Variants in MMADHC observed in about 807,000 individuals in gnomAD.
MMADHC encodes cobalamin trafficking protein CblD.
MMADHC carries 23 observed loss-of-function variants against 36.3 expected under a neutral mutation model. The ratio of observed to expected loss-of-function variants is 0.63; its 90% CI spans 0.46 to 0.90. The LOEUF is 0.90. MMADHC is among the 40% of genes least tolerant of loss of function. The probability of loss-of-function intolerance (pLI) is 0.00; values close to 1 mark genes in which losing one functional copy is unlikely to be tolerated. For missense variants in MMADHC, 330 were observed against 348.0 expected, an observed-to-expected ratio of 0.95 and a Z score of 0.41; for synonymous variants, 97 against 116.1, an observed-to-expected ratio of 0.84 and a Z score of 1.06.
chr2:149,580,910 T>C (rs1355781413), intron 3 of MMADHC, among the ~76,000 whole-genome samples: 1 of 152,190 alleles, frequency 6.6e-6, no homozygotes, highest in Non-Finnish European at 1.5e-5. Flanking sequence ...CAAGATTTTG[T>C]ATTTCTAACA....
chr2:149,586,996 C>T, intron 2 of MMADHC, 93 bp downstream of exon 2: 5 of 1,257,494 alleles, frequency 4.0e-6, no homozygotes, highest in Non-Finnish European at 5.8e-6. Flanking sequence ...TAACACTATA[C>T]CACCCAATGC....
chr2:149,587,441 C>A (rs1682890448), intron 1 of MMADHC: 1 of 397,218 alleles, frequency 2.5e-6, no homozygotes, highest in East Asian at 4.8e-5. Context: ...TCCAGAGGAT[C>A]GAAGCGGCTG....
In MMADHC at chr2:149,570,158, G is replaced by A. The variant is rs143753228; in HGVS notation, c.707C>T (p.Pro236Leu). 1.8e-4 allele frequency: 284 copies of A among 1,613,110 alleles called. No homozygotes were observed. In the African/African-American group the frequency reaches 3.1e-3, roughly 18 times the overall value. ...DPSSGLAFFG[P>L]YTNNTLFETD... ...TTCAAAAAGAGTGTTGTTTGTATAT[G>A]GTCCAAAAAACTGAGGAAATAAAAA... The change falls in exon 8 of 8, where the codon CCA becomes CTA. Residue 236 changes from proline (P) to leucine (L), a missense_variant. Physicochemically the swap from Pro to Leu is moderately conservative, Grantham distance 98. Transcript: ENST00000303319.
At chr2:149,587,613 C>T (rs1682894928) in intron 1 of MMADHC, 51 bp downstream of exon 1, 3 of 170,602 alleles carry the variant, frequency 1.8e-5, no homozygotes, top group Non-Finnish European at 1.3e-5. Context: ...GGGCTGTAAC[C>T]CTAACACGGG....
intron 1 of MMADHC, 32 bp downstream of exon 1, chr2:149,587,632 G>A (rs767266849): frequency 8.5e-5 from 14 of 165,072 alleles, no homozygotes; most frequent in Non-Finnish European, 1.7e-4. Flanking sequence ...GGCAAATTTG[G>A]AGGGGCTAAC....
At position 149,579,464 on chromosome 2, in the gene MMADHC, C is replaced by T; in HGVS notation, c.339G>A (p.Glu113=). 6.2e-7 allele frequency: 1 copy of T among 1,612,302 alleles called. No individual in the cohort carries two copies. Among genetic ancestry groups the T allele is most frequent in the Non-Finnish European group, 8.5e-7 (1 of 1,179,960 alleles). Residue 113 remains glutamate, a synonymous_variant, in exon 4 of 8, where the codon GAG becomes GAA. Transcript: ENST00000303319. ...LAEPLSSERH[E]FVMAQYVNEF... ...CATTCACATATTGTGCCATCACAAA[C>T]TCATGTCTTTCACTTGATAAAGGTT...
chr2:149,585,008 C>T (rs1682846417), intron 2 of MMADHC, among the ~76,000 whole-genome samples: 1 of 149,202 alleles, frequency 6.7e-6, no homozygotes, highest in South Asian at 2.1e-4. Flanking sequence ...CGCCATTGCA[C>T]TCCGGCCTGG....
At chr2:149,575,618 G>T in intron 6 of MMADHC, 93 bp downstream of exon 6, 3 of 1,075,902 alleles carry the variant, frequency 2.8e-6, no homozygotes, top group Non-Finnish European at 4.0e-6. Flanking sequence ...AATGAATAAA[G>T]GGTGGAAATG....
intron 2 of MMADHC, among the ~76,000 whole-genome samples, chr2:149,586,634 C>G (rs946468276): frequency 2.6e-5 from 4 of 152,076 alleles, no homozygotes; most frequent in African/African-American, 9.7e-5. Context: ...CTAATCACTG[C>G]AAAGTTACAG....
chr2:149,580,539 A>G (rs569823724), intron 3 of MMADHC, among the ~76,000 whole-genome samples: 2 of 152,324 alleles, frequency 1.3e-5, no homozygotes, highest in South Asian at 4.1e-4. Flanking sequence ...AATTAAACTA[A>G]TAATTACTCA....
Position 149,582,275 on chromosome 2 carries a change from G to T in MMADHC, c.10-4C>A. On this transcript the variant is annotated splice_polypyrimidine_tract_variant and splice_region_variant and intron_variant, in intron 2 of 7. Coordinates refer to ENST00000303319, the MANE Select transcript of MMADHC (RefSeq NM_015702.3). ...GTCTGGCTCTGTTACAAAGCACCTAGAAATGACACAAAATTAAAACTATTT... is the reference window on the plus strand; with the variant it reads ...GTCTGGCTCTGTTACAAAGCACCTATAAATGACACAAAATTAAAACTATTT... 6.2e-7 allele frequency: 1 copy of T among 1,613,424 alleles called. No homozygotes were observed. The highest frequency in any genetic ancestry group is 1.1e-5 in the South Asian group (1 of 91,062).
In MMADHC at chr2:149,582,284, C is replaced by A; in HGVS notation, c.10-13G>T. On this transcript the variant is annotated splice_polypyrimidine_tract_variant and intron_variant, in intron 2 of 7. Coordinates refer to ENST00000303319, the MANE Select transcript of MMADHC (RefSeq NM_015702.3). The stretch of plus-strand genomic sequence containing the variant: ...TGTTACAAAGCACCTAGAAATGACA[C>A]AAAATTAAAACTATTTGTTCTGAAT... 1 of 1,612,846 alleles carries A rather than the reference C, an allele frequency of 6.2e-7. No individual in the cohort carries two copies. The highest frequency in any genetic ancestry group is 8.5e-7 in the Non-Finnish European group (1 of 1,179,176).
At chr2:149,586,937 C>G in intron 2 of MMADHC, 152 bp downstream of exon 2, 1 of 756,188 alleles carries the variant, frequency 1.3e-6, no homozygotes, top group Non-Finnish European at 2.3e-6. Context: ...CAAAGCATAA[C>G]ATAATTTCAC....
rs758483380 is a variant in MMADHC, at chr2:149,575,770, T to C, written c.550A>G (p.Asn184Asp). Residue 184 changes from asparagine to aspartate, a missense_variant, in exon 6 of 8, where the codon AAT (asparagine) becomes GAT (aspartate). Coordinates refer to ENST00000303319, the MANE Select transcript of MMADHC (RefSeq NM_015702.3). ...MILTVTQKTKNDMTVWSEEVE... is the reference protein window; with the variant it reads ...MILTVTQKTKDDMTVWSEEVE... ...TCTTCACTCCAAACAGTCATATCAT[T>C]CTTAGTTTTTTGTGTTACAGTCAGA... 3.7e-6 allele frequency: 6 copies of C among 1,610,194 alleles called. No homozygotes were observed. The African/African-American group carries it at 6.7e-5, about 18-fold the overall frequency.
intron 2 of MMADHC, 152 bp from the exon 3 acceptor site, chr2:149,582,423 T>C (rs1675941388): frequency 3.4e-6 from 2 of 594,962 alleles, no homozygotes; most frequent in Non-Finnish European, 5.6e-6. Flanking sequence ...AAGCATTATA[T>C]ATATTTGTAA....
At chr2:149,585,431 C>T (rs1682853220) in intron 2 of MMADHC, among the ~76,000 whole-genome samples, 2 of 152,206 alleles carry the variant, frequency 1.3e-5, no homozygotes, top group Admixed American at 6.5e-5. Flanking sequence ...TTATGTAGTG[C>T]ATCCACATCT....
In MMADHC at chr2:149,569,743, C is replaced by A; in HGVS notation, c.*231G>T. On this transcript the variant is annotated 3_prime_UTR_variant, in exon 8 of 8. Coordinates refer to ENST00000303319, the MANE Select transcript of MMADHC (RefSeq NM_015702.3). ...TAGCAGATCATACCCTGGTTACAAG[C>A]TAATTACCACATCCTATACAATGTG... 4.9e-6 allele frequency: 2 copies of A among 406,516 alleles called. No individual in the cohort carries two copies. Among genetic ancestry groups the A allele is most frequent in the Non-Finnish European group, 8.9e-6 (2 of 224,188 alleles). The allele number at this position is 406,516 out of a possible 1,614,324, so 25.2% of individuals were successfully genotyped here. A position where few individuals can be genotyped will look rare whatever the true frequency, so the allele number is the denominator to read the frequency against.
At chr2:149,575,090 A>C (rs1257697738) in intron 6 of MMADHC, among the ~76,000 whole-genome samples, 3 of 152,204 alleles carry the variant, frequency 2.0e-5, no homozygotes, top group Non-Finnish European at 4.4e-5. Context: ...CACTGCACCC[A>C]GTTAAAATTC....
chr2:149,582,502 T>C (rs1374106581), intron 2 of MMADHC, among the ~76,000 whole-genome samples: 1 of 152,140 alleles, frequency 6.6e-6, no homozygotes, highest in African/African-American at 2.4e-5. Flanking sequence ...CTATGTACTT[T>C]TCAATAAAGG....
Sources: allele counts gnomAD v4.1 joint callset (sites outside exome capture counted in the v4.1 genomes callset), GRCh38; gene constraint gnomAD v4.1.1; transcripts MANE v1.5; gene names NCBI Gene and HGNC (gene_info 2026-07-23, HGNC 2026-07-21).